Variants in GTPBP6 observed in about 807,000 individuals in gnomAD.
GTPBP6 encodes GTP binding protein 6, also known as putative GTP-binding protein 6.
GTPBP6 carries 33 observed loss-of-function variants against 28.9 expected under a neutral mutation model. That is an observed-to-expected ratio of 1.14 (90% CI 0.87 to 1.53). The LOEUF (loss-of-function observed/expected upper bound fraction) is 1.53. Ranked by LOEUF, GTPBP6 falls within the 40% of genes most tolerant of loss-of-function variation. The pLI is 0.00. For synonymous variants in GTPBP6, 231 were observed against 192.7 expected, an observed-to-expected ratio of 1.20 and a Z score of -1.65; for missense variants, 507 against 408.3, an observed-to-expected ratio of 1.24 and a Z score of -2.08.
intron 9 of GTPBP6, among the ~76,000 whole-genome samples, chrX:305,648 C>A (rs1258109036): frequency 1.4e-5 from 2 of 140,316 alleles, no homozygotes; most frequent in African/African-American, 5.6e-5. Flanking sequence ...TTTTTTGAGA[C>A]AGAGTCTCGC....
intron 1 of GTPBP6, among the ~76,000 whole-genome samples, chrX:317,746 C>T (rs2070466787): frequency 7.1e-6 from 1 of 141,730 alleles, no homozygotes; most frequent in African/African-American, 2.7e-5. Context: ...CCCCACGGGC[C>T]CCACCCCATC....
intron 7 of GTPBP6, among the ~76,000 whole-genome samples, chrX:308,828 G>A (rs2070226873): frequency 1.3e-5 from 2 of 148,694 alleles, no homozygotes; most frequent in African/African-American, 2.5e-5. Context: ...TCCGCCTCCC[G>A]GGTTCAGCCA....
chrX:306,633 C>T (rs113423513), intron 9 of GTPBP6, among the ~76,000 whole-genome samples: 1 of 145,322 alleles, frequency 6.9e-6, no homozygotes, highest in Non-Finnish European at 1.5e-5. Flanking sequence ...TACATTTTGA[C>T]TGTCAGCACA....
exon 9 of GTPBP6, chrX:307,428 C>G (rs777761107): frequency 6.2e-7 from 1 of 1,612,562 alleles, no homozygotes; most frequent in Admixed American, 1.7e-5. Context: ...TCAAAACCGC[C>G]GCATCGAGCT....
At chrX:317,396 G>A (rs1490475127) in intron 1 of GTPBP6, among the ~76,000 whole-genome samples, 2 of 152,080 alleles carry the variant, frequency 1.3e-5, no homozygotes, top group Admixed American at 6.5e-5. Flanking sequence ...TCTGCGCGCT[G>A]TTCTGAGCAG....
At chrX:315,148 C>T (rs1210727837) in intron 3 of GTPBP6, 81 bp downstream of exon 3, 10 of 393,632 alleles carry the variant, frequency 2.5e-5, no homozygotes, top group Admixed American at 4.6e-5. Flanking sequence ...ATCTGTCCCC[C>T]GCCTGGCCGG....
At chrX:316,845 G>A (rs1317076245) in intron 2 of GTPBP6, 69 bp downstream of exon 2, 5 of 398,840 alleles carry the variant, frequency 1.3e-5, no homozygotes, top group African/African-American at 4.1e-5. Context: ...GCATGTCTCG[G>A]TTGGATGTTT....
chrX:311,405 C>CCCTGGCTGTGTGTGT lies in GTPBP6; in HGVS notation c.1125+13_1125+14insACACACACAGCCAGG. 1 of 1,590,350 alleles carries CCCTGGCTGTGTGTGT rather than the reference C, an allele frequency of 6.3e-7. No homozygotes were observed. The highest frequency in any genetic ancestry group is 8.6e-7 in the Non-Finnish European group (1 of 1,163,678). On this transcript the variant is annotated intron_variant, in intron 7 of 9. Transcript: ENST00000326153. ...GGTGTCCGAGCACCCGATCCCCGGC[C>CCCTGGCTGTGTGTGT]GTCCCACGCTCACCGAGTGGGCCAC... is the stretch of plus-strand genomic sequence containing the variant.
At chrX:304,817 C>G in exon 10 of GTPBP6, 1 of 1,385,866 alleles carries the variant, frequency 7.2e-7, no homozygotes, top group Admixed American at 3.1e-5. Context: ...CAGTTCACAG[C>G]AGGCACCGAG....
chrX:316,927 A>G, exon 2 of GTPBP6: 1 of 398,630 alleles, frequency 2.5e-6, no homozygotes, highest in Non-Finnish European at 4.4e-6. Flanking sequence ...TCAGGTGCTC[A>G]AAGTTCCCTT....
chrX:305,125 G>C, exon 10 of GTPBP6: 1 of 1,613,412 alleles, frequency 6.2e-7, no homozygotes. Flanking sequence ...TGCTGATGAT[G>C]ACCCTCACGT....
intron 5 of GTPBP6, among the ~76,000 whole-genome samples, 165 bp from the exon 6 acceptor site, chrX:313,089 G>C (rs1037586547): frequency 3.1e-4 from 47 of 152,246 alleles, no homozygotes; most frequent in Non-Finnish European, 4.6e-4. Context: ...TGTTCCATGA[G>C]AAAGGGCTCT....
rs752504886 is a variant in GTPBP6 at position 308,153 on chromosome X, GCACCCAACCAC to G, written c.1126-284_1126-274del. 4.0e-3 allele frequency among the ~76,000 whole-genome samples: 610 copies of G among 151,766 alleles called. No individual in the cohort carries two copies. The Middle Eastern group carries it at 0.048, about 12-fold the overall frequency. ...ACACGCAAGGGGGTGCCATATATGAGCACCCAACCACCACCCACCCACCCAGGGGGTCTTCA... is the reference window on the plus strand; with the variant it reads ...ACACGCAAGGGGGTGCCATATATGAGCACCCACCCACCCAGGGGGTCTTCA... On this transcript the variant is annotated intron_variant, in intron 7 of 9. Coordinates refer to ENST00000326153, the Ensembl canonical transcript of GTPBP6.
chrX:309,997 C>G (rs770894574), intron 7 of GTPBP6, among the ~76,000 whole-genome samples: 11 of 137,388 alleles, frequency 8.0e-5, no homozygotes, highest in Non-Finnish European at 1.4e-4. Context: ...TGGAGTGATG[C>G]GGCCACAAGC....
intron 7 of GTPBP6, among the ~76,000 whole-genome samples, chrX:309,444 C>T (rs1284787146): frequency 6.0e-5 from 9 of 150,724 alleles, no homozygotes; most frequent in African/African-American, 1.7e-4. Context: ...TTAAATCCAA[C>T]GACCGACCGG....
At chrX:312,038 G>C (rs1463240267) in intron 6 of GTPBP6, 5 of 466,276 alleles carry the variant, frequency 1.1e-5, no homozygotes, top group Non-Finnish European at 2.1e-5. Context: ...ATACGGCAGT[G>C]GTGCCGGTGT....
chrX:307,575 C>A, intron 8 of GTPBP6, 63 bp from the exon 9 acceptor site: 1 of 1,552,428 alleles, frequency 6.4e-7, no homozygotes. Flanking sequence ...AAATCAGGGT[C>A]CCCAGGAGTC....
Position 315,606 on chromosome X carries a change from G to A in GTPBP6, c.488-307C>T, listed in dbSNP as rs2070417625. 6.1e-5 allele frequency among the ~76,000 whole-genome samples: 9 copies of A among 146,542 alleles called. No homozygotes were observed. In the East Asian group the frequency reaches 1.8e-3, roughly 30 times the overall value. Reference sequence around the variant, plus strand: ...CACACAGTAAATACATCCCGACAGGGACAGACACAGACACACAGACAGACA... The same window carrying A: ...CACACAGTAAATACATCCCGACAGGAACAGACACAGACACACAGACAGACA... On this transcript the variant is annotated intron_variant, in intron 2 of 9. Transcript: ENST00000326153.
rs368932658 is a variant in GTPBP6 at position 314,152 on chromosome X, G to T, written c.755C>A (p.Ser252Ter). 6.2e-7 allele frequency: 1 copy of T among 1,610,706 alleles called. No individual in the cohort carries two copies. Among genetic ancestry groups the T allele is most frequent in the South Asian group, 1.1e-5 (1 of 90,806 alleles). ...ACGCCGCGCCCGGCCCGAGTTACCT[G>T]ACCCCATGATGTAGCGCGAGCCGAC... is the stretch of plus-strand genomic sequence containing the variant. The change falls in exon 5 of 10, where the codon TCA (serine) becomes TAA (stop). Residue 252 changes from serine (S) to a stop codon, truncating the protein, a stop_gained and splice_region_variant. Transcript: ENST00000326153. LOFTEE classifies it high-confidence loss of function.
Sources: gnomAD v4.1 joint callset for allele counts (sites outside exome capture counted in the v4.1 genomes callset) on GRCh38, gnomAD v4.1.1 for gene constraint, MANE v1.5 for transcripts, NCBI Gene and HGNC (gene_info 2026-07-23, HGNC 2026-07-21) for gene names.